Variants in DLEC1 observed in about 807,000 individuals in gnomAD.
DLEC1 encodes the protein deleted in lung and esophageal cancer protein 1.
DLEC1 carries 146 observed loss-of-function variants against 198.1 expected under a neutral mutation model. The ratio of observed to expected loss-of-function variants is 0.74; its 90% CI spans 0.64 to 0.85. The LOEUF is 0.85. Ranked by LOEUF, DLEC1 falls within the 40% of genes least tolerant of loss-of-function variation. The pLI, the probability that DLEC1 is intolerant of heterozygous loss-of-function variation, is 0.00. For missense variants in DLEC1, 2,233 were observed against 2,220.0 expected (o/e 1.01, Z -0.12); for synonymous variants, 897 against 866.8 (o/e 1.03, Z -0.61).
chr3:38,093,267 G>C (rs900744203), intron 11 of DLEC1, among the ~76,000 whole-genome samples: 6 of 152,088 alleles, frequency 3.9e-5, no homozygotes, highest in African/African-American at 7.2e-5. Flanking sequence ...TAGGAATCGT[G>C]ACAAGATGCC....
At chr3:38,096,478 T>C (rs1575193517) in intron 14 of DLEC1, 91 bp from the exon 15 acceptor site, 1 of 1,471,930 alleles carries the variant, frequency 6.8e-7, no homozygotes, top group Non-Finnish European at 9.1e-7. Context: ...GTTTTTTTTT[T>C]CACAAGGCCA....
chr3:38,084,519 GTAGTAGTAGTAGT>G, intron 7 of DLEC1, among the ~76,000 whole-genome samples: 7 of 57,958 alleles, frequency 1.2e-4, no homozygotes, highest in Admixed American at 1.6e-4. Context: ...AGTAGTAGTG[GTAGTAGTAGTAGT>G]GGTGGTGGTA....
chr3:38,116,169 G>A (rs546687975), intron 27 of DLEC1, among the ~76,000 whole-genome samples: 4 of 152,294 alleles, frequency 2.6e-5, no homozygotes, highest in African/African-American at 7.2e-5. Flanking sequence ...AAGCAGCTGT[G>A]GGAGAGAGCA....
At chr3:38,084,297 G>A in intron 7 of DLEC1, 52 bp downstream of exon 7, 1 of 1,500,584 alleles carries the variant, frequency 6.7e-7, no homozygotes. Context: ...AGTAGTGGTG[G>A]TATTAGTAGT....
chr3:38,091,082 A>G (rs1575183528), intron 10 of DLEC1, among the ~76,000 whole-genome samples: 1 of 152,354 alleles, frequency 6.6e-6, no homozygotes, highest in Middle Eastern at 3.4e-3. Context: ...TAAATATAAG[A>G]CTTGAAAATG....
chr3:38,048,411 A>G (rs549908330), intron 2 of DLEC1, among the ~76,000 whole-genome samples: 5 of 152,390 alleles, frequency 3.3e-5, no homozygotes, highest in African/African-American at 1.2e-4. Context: ...GCCTAGAGGG[A>G]AAGATCTAAG....
intron 30 of DLEC1, 52 bp from the exon 31 acceptor site, chr3:38,117,156 A>G: frequency 1.2e-6 from 2 of 1,614,084 alleles, no homozygotes; most frequent in South Asian, 2.2e-5. Context: ...CCTGGGTAGC[A>G]TGCTGCCTAC....
At chr3:38,101,797 T>G (rs1432043252) in intron 19 of DLEC1, among the ~76,000 whole-genome samples, 3 of 152,206 alleles carry the variant, frequency 2.0e-5, no homozygotes, top group Non-Finnish European at 4.4e-5. Context: ...GTCTTTGCAT[T>G]GGTCCTTCAG....
chr3:38,057,370 T>C (rs1696428821), intron 2 of DLEC1, among the ~76,000 whole-genome samples: 1 of 152,118 alleles, frequency 6.6e-6, no homozygotes, highest in Non-Finnish European at 1.5e-5. Flanking sequence ...CACGAGCCTG[T>C]AGTCCCAGCT....
At chr3:38,045,826 T>C (rs745576574) in intron 2 of DLEC1, 133 bp downstream of exon 2, 6 of 932,270 alleles carry the variant, frequency 6.4e-6, no homozygotes, top group Non-Finnish European at 9.4e-6. Context: ...ATAATATGAA[T>C]ATTACCACAA....
At chr3:38,107,178 GA>G (rs907211348) in intron 19 of DLEC1, among the ~76,000 whole-genome samples, 4 of 148,692 alleles carry the variant, frequency 2.7e-5, no homozygotes, top group African/African-American at 9.8e-5. Context: ...GTGAAAACTG[GA>G]AAAAAAATTC....
intron 6 of DLEC1, among the ~76,000 whole-genome samples, chr3:38,065,479 C>A (rs961303221): frequency 5.3e-5 from 8 of 152,188 alleles, no homozygotes; most frequent in African/African-American, 1.9e-4. Context: ...TATAACTACT[C>A]CTCATGTGCC....
At position 38,121,612 on chromosome 3, in the gene DLEC1, G is replaced by A. The variant is rs748657344; in HGVS notation, c.4867-16G>A. The A allele has an allele frequency of 1.4e-5, 22 of 1,610,508 alleles. No homozygotes were observed. The highest frequency in any genetic ancestry group is 4.4e-5 in the South Asian group (4 of 90,844). ...GAGCCCACCCAGAATGGACAAGGTT[G>A]CCTGGTCTCCCACAGGTGGTGCCCC... On this transcript the variant is annotated splice_polypyrimidine_tract_variant and intron_variant, in intron 34 of 36. Coordinates refer to ENST00000308059, the MANE Select transcript of DLEC1 (RefSeq NM_007335.4).
intron 2 of DLEC1, among the ~76,000 whole-genome samples, chr3:38,046,263 C>T (rs1559391330): frequency 6.6e-6 from 1 of 151,946 alleles, no homozygotes. Context: ...ATTTTTGTGG[C>T]GTGATATGGT....
In DLEC1 at chr3:38,092,883, G is replaced by A; in HGVS notation, c.1756+3G>A. On this transcript the variant is annotated splice_donor_region_variant and intron_variant, in intron 11 of 36. Coordinates refer to ENST00000308059, the MANE Select transcript of DLEC1 (RefSeq NM_007335.4). ...GATAAAGGAGCTGGTGACCATAGGT[G>A]GGCTTGAGTGTACTCCCAGGGGCAA... 6.2e-7 allele frequency: 1 copy of A among 1,614,116 alleles called. No individual in the cohort carries two copies. Among genetic ancestry groups the A allele is most frequent in the Non-Finnish European group, 8.5e-7 (1 of 1,179,998 alleles).
At chr3:38,103,870 C>T (rs1699429994) in intron 19 of DLEC1, 1 of 152,094 alleles carries the variant, frequency 6.6e-6, no homozygotes, top group South Asian at 2.1e-4. Context: ...CAGTTGAGCC[C>T]ATTATCGTAT....
intron 6 of DLEC1, among the ~76,000 whole-genome samples, 196 bp downstream of exon 6, chr3:38,064,115 T>C (rs540718889): frequency 2.0e-5 from 3 of 150,310 alleles, no homozygotes; most frequent in Non-Finnish European, 1.5e-5. Context: ...CAGATAAACA[T>C]GTGAACAAAG....
intron 6 of DLEC1, 88 bp downstream of exon 6, chr3:38,064,007 CTTTTTTTT>C (rs71094947): frequency 4.4e-6 from 2 of 451,096 alleles, no homozygotes; most frequent in African/African-American, 3.1e-5. Flanking sequence ...TTTTTTTTTT[CTTTTTTTT>C]TTTTTTTTTA....
rs889545856 is a variant in DLEC1, at chr3:38,109,286, G to A, written c.3130-146G>A. 2.9e-5 allele frequency: 35 copies of A among 1,193,052 alleles called. 2 individuals are homozygous for A. Among genetic ancestry groups the A allele is most frequent in the South Asian group, 2.0e-4 (13 of 65,418 alleles). 73.9% of individuals were successfully genotyped at this position (1,193,052 alleles called of 1,614,324 possible). A position where few individuals can be genotyped will look rare whatever the true frequency, so the allele number is the denominator to read the frequency against. ...GGCTTCCTGGGGCTGAGGGCGGGTC[G>A]ACTGGCTGGGCTCACTGGAGGGACT... On this transcript the variant is annotated intron_variant, in intron 21 of 36. Coordinates refer to ENST00000308059, the MANE Select transcript of DLEC1 (RefSeq NM_007335.4).
Sources: allele counts gnomAD v4.1 joint callset (sites outside exome capture counted in the v4.1 genomes callset), GRCh38; gene constraint gnomAD v4.1.1; transcripts MANE v1.5; gene names NCBI Gene and HGNC (gene_info 2026-07-23, HGNC 2026-07-21).